MSRB3: variants seen among roughly 807,000 people sequenced by gnomAD.
MSRB3 encodes the protein methionine-R-sulfoxide reductase B3.
Under a neutral mutation model 21.0 loss-of-function variants are expected in MSRB3, and 13 were observed. That is an observed-to-expected ratio of 0.62 (90% confidence interval 0.40 to 0.98). MSRB3 has a LOEUF of 0.98. Ranked by LOEUF, MSRB3 falls within the 50% of genes least tolerant of loss-of-function variation. The pLI is 0.00. For synonymous variants in MSRB3, 87 were observed against 88.6 expected, an observed-to-expected ratio of 0.98 and a Z score of 0.10; for missense variants, 199 against 230.3, an observed-to-expected ratio of 0.86 and a Z score of 0.88.
intron 5 of MSRB3, among the ~76,000 whole-genome samples, chr12:65,430,690 C>CT (rs1196148150): frequency 6.6e-6 from 1 of 152,092 alleles, no homozygotes; most frequent in Non-Finnish European, 1.5e-5. Flanking sequence ...TGGCATCTGT[C>CT]TTAAGCCTTT....
chr12:65,406,495 G>A (rs1158583415), intron 5 of MSRB3, among the ~76,000 whole-genome samples: 1 of 152,180 alleles, frequency 6.6e-6, no homozygotes, highest in Admixed American at 6.6e-5. Context: ...AATTAATACT[G>A]TTAAAATGTC....
chr12:65,412,651 T>C (rs1880777066), intron 5 of MSRB3, among the ~76,000 whole-genome samples: 2 of 152,132 alleles, frequency 1.3e-5, no homozygotes, highest in African/African-American at 4.8e-5. Flanking sequence ...AGCACCAACC[T>C]AGTAATTTTC....
intron 5 of MSRB3, among the ~76,000 whole-genome samples, chr12:65,436,863 T>C (rs1171374717): frequency 6.6e-6 from 1 of 151,932 alleles, no homozygotes; most frequent in African/African-American, 2.4e-5. Context: ...GGAGACAATC[T>C]TGGATTTACA....
At chr12:65,296,760 A>G (rs1207552701) in intron 1 of MSRB3, among the ~76,000 whole-genome samples, 1 of 152,226 alleles carries the variant, frequency 6.6e-6, no homozygotes, top group African/African-American at 2.4e-5. Context: ...GAAGTGAAAG[A>G]CCACTGACTA....
chr12:65,290,299 T>C (rs1256404505), intron 1 of MSRB3, among the ~76,000 whole-genome samples: 2 of 152,184 alleles, frequency 1.3e-5, no homozygotes, highest in African/African-American at 4.8e-5. Flanking sequence ...GAGTGTTCAG[T>C]AATTTGTATG....
intron 4 of MSRB3, among the ~76,000 whole-genome samples, chr12:65,359,616 A>C (rs1355266083): frequency 6.6e-6 from 1 of 152,248 alleles, no homozygotes; most frequent in Admixed American, 6.6e-5. Context: ...ATGAAGAGAC[A>C]AAGATCCCAT....
chr12:65,316,764 T>G (rs1433313723), intron 2 of MSRB3, among the ~76,000 whole-genome samples: 1 of 152,184 alleles, frequency 6.6e-6, no homozygotes, highest in Non-Finnish European at 1.5e-5. Context: ...ATATGAACAC[T>G]TTCTCTTTTG....
chr12:65,289,377 CCAGCTACT>C (rs1188941321), intron 1 of MSRB3, among the ~76,000 whole-genome samples: 1 of 152,060 alleles, frequency 6.6e-6, no homozygotes, highest in Non-Finnish European at 1.5e-5. Flanking sequence ...GCCTGTAGTC[CCAGCTACT>C]CAGGTGGCTG....
chr12:65,331,912 T>A (rs2136458384), intron 4 of MSRB3, among the ~76,000 whole-genome samples: 1 of 152,350 alleles, frequency 6.6e-6, no homozygotes, highest in Non-Finnish European at 1.5e-5. Flanking sequence ...CTGTGGGATC[T>A]GGATGTGAAA....
intron 5 of MSRB3, among the ~76,000 whole-genome samples, chr12:65,450,892 C>CTGTCA (rs1882826732): frequency 6.6e-6 from 1 of 152,204 alleles, no homozygotes; most frequent in Non-Finnish European, 1.5e-5. Context: ...TTTCAAAGTG[C>CTGTCA]TGTCATCACT....
At chr12:65,421,978 A>G (rs1365187430) in intron 5 of MSRB3, among the ~76,000 whole-genome samples, 4 of 152,322 alleles carry the variant, frequency 2.6e-5, no homozygotes, top group African/African-American at 9.6e-5. Context: ...GCTTTCTTCA[A>G]GAGACCCATC....
chr12:65,367,532 A>G (rs1244539253), intron 4 of MSRB3, among the ~76,000 whole-genome samples: 1 of 152,202 alleles, frequency 6.6e-6, no homozygotes, highest in Admixed American at 6.5e-5. Context: ...TCTAGTCACA[A>G]TTTAGGTGTT....
chr12:65,343,343 G>A (rs1443210681), intron 4 of MSRB3, among the ~76,000 whole-genome samples: 1 of 151,932 alleles, frequency 6.6e-6, no homozygotes, highest in Non-Finnish European at 1.5e-5. Flanking sequence ...GGTAGCCACC[G>A]GAAGCTTAAA....
intron 5 of MSRB3, among the ~76,000 whole-genome samples, chr12:65,382,815 A>G (rs1039684729): frequency 1.3e-5 from 2 of 151,842 alleles, no homozygotes; most frequent in African/African-American, 4.8e-5. Context: ...ATTGCCTATA[A>G]TTTCCAGCAT....
chr12:65,351,678 C>T (rs1233657064), intron 4 of MSRB3, among the ~76,000 whole-genome samples: 29 of 149,034 alleles, frequency 1.9e-4, no homozygotes, highest in Admixed American at 1.3e-3. Flanking sequence ...GAGAATACTA[C>T]AAACACCTCT....
intron 4 of MSRB3, among the ~76,000 whole-genome samples, chr12:65,345,540 A>G (rs908504023): frequency 1.3e-5 from 2 of 152,076 alleles, no homozygotes; most frequent in African/African-American, 4.8e-5. Flanking sequence ...AATGTTCCTG[A>G]TAACACACGT....
intron 5 of MSRB3, among the ~76,000 whole-genome samples, chr12:65,434,306 C>G (rs995060249): frequency 1.4e-4 from 21 of 151,830 alleles, no homozygotes; most frequent in African/African-American, 4.4e-4. Context: ...TGTCTGTCTC[C>G]TATAGGATTT....
intron 4 of MSRB3, among the ~76,000 whole-genome samples, chr12:65,362,388 C>T (rs1877761519): frequency 6.6e-6 from 1 of 152,146 alleles, no homozygotes; most frequent in Non-Finnish European, 1.5e-5. Flanking sequence ...CTGCTCAGGA[C>T]TGGATTAAGT....
At chr12:65,335,234 T>A (rs1875686032) in intron 4 of MSRB3, among the ~76,000 whole-genome samples, 1 of 152,186 alleles carries the variant, frequency 6.6e-6, no homozygotes, top group Admixed American at 6.5e-5. Context: ...TGGGAACATA[T>A]CATACTATCA....
Sources: allele counts gnomAD v4.1 joint callset (sites outside exome capture counted in the v4.1 genomes callset), GRCh38; gene constraint gnomAD v4.1.1; transcripts MANE v1.5; gene names NCBI Gene and HGNC (gene_info 2026-07-23, HGNC 2026-07-21).